RNF41: variants seen among roughly 807,000 people sequenced by gnomAD.
RNF41 encodes the protein E3 ubiquitin-protein ligase NRDP1.
RNF41 carries 4 observed loss-of-function variants against 33.0 expected under a neutral mutation model. The observed-to-expected ratio is 0.12, with a 90% CI of 0.06 to 0.28. RNF41 has a LOEUF of 0.28. RNF41 is among the 10% of genes least tolerant of loss of function. The probability of loss-of-function intolerance (pLI) is 1.00; values close to 1 mark genes in which losing one functional copy is unlikely to be tolerated. For synonymous variants in RNF41, 164 were observed against 153.2 expected, an observed-to-expected ratio of 1.07 and a Z score of -0.52; for missense variants, 228 against 432.6, an observed-to-expected ratio of 0.53 and a Z score of 4.19.
At position 56,206,976 on chromosome 12, in the gene RNF41, C is replaced by T. The variant is rs56688317; in HGVS notation, c.603-178G>A. On this transcript the variant is annotated intron_variant, in intron 6 of 6. Transcript: ENST00000345093. The surrounding 1 kb of genome is among the most constrained non-coding windows in gnomAD (Gnocchi z 5.7). ...CCCCACTTGGTCCCAACTGAGTCAC[C>T]ACATGTTACTCACCAGATTAAATTC... Among the ~76,000 whole-genome samples the T allele has an allele frequency of 2.2e-3, 337 of 152,274 alleles. 5 individuals carry two copies. Among genetic ancestry groups the T allele is most frequent in the African/African-American group, 7.8e-3 (326 of 41,544 alleles).
chr12:56,212,495 C>T (rs77481582), intron 3 of RNF41, among the ~76,000 whole-genome samples: 60 of 152,246 alleles, frequency 3.9e-4, no homozygotes, highest in Non-Finnish European at 5.4e-4. Context: ...TCACCAACTA[C>T]GACTCACCTT....
chr12:56,207,841 C>A, intron 5 of RNF41, 92 bp from the exon 6 acceptor site: 1 of 1,010,164 alleles, frequency 9.9e-7, no homozygotes, highest in Non-Finnish European at 1.6e-6. Context: ...ACTGAGAGAT[C>A]TGAAGAACAA....
At chr12:56,215,064 G>A (rs559925534) in intron 2 of RNF41, among the ~76,000 whole-genome samples, 1 of 152,122 alleles carries the variant, frequency 6.6e-6, no homozygotes, top group South Asian at 2.1e-4. Context: ...GGGGGAGCAG[G>A]GCATTAGGGT....
chr12:56,210,325 G>A lies in RNF41; in HGVS notation c.334C>T (p.Arg112Trp). 1.2e-6 allele frequency: 2 copies of A among 1,613,950 alleles called. No individual in the cohort carries two copies. Among genetic ancestry groups the A allele is most frequent in the Non-Finnish European group, 1.7e-6 (2 of 1,179,870 alleles). ...HLSDCEHNPK[R>W]PVTCEQGCGL... is the part of the protein sequence containing the mutation. ...CAGCCCTGTTCACAGGTCACAGGCC[G>A]CTTCGGGTTGTGCTCACAGTCGCTG... is the stretch of plus-strand genomic sequence containing the variant. Residue 112 changes from arginine (R) to tryptophan (W), a missense_variant, in exon 4 of 7, where the codon CGG becomes TGG. This residue lies in a region of RNF41 where 199 missense variants were observed against 334.6 expected (regional missense o/e 0.59). Transcript: ENST00000345093.
rs1878693341 is a variant in RNF41 at position 56,203,612 on chromosome 12, T to G, written c.*2835A>C. 1 of 151,706 alleles carries G rather than the reference T, an allele frequency of 6.6e-6. No individual in the cohort carries two copies. Among genetic ancestry groups the G allele is most frequent in the African/African-American group, 2.4e-5 (1 of 41,224 alleles). 9.4% of individuals were successfully genotyped at this position (151,706 alleles called of 1,614,324 possible). ...GGTTTCACCATGTTAGCCAGGATGG[T>G]CTCGATCTCCTGACGTTGTGATCCA... On this transcript the variant is annotated 3_prime_UTR_variant, in exon 7 of 7. Coordinates refer to ENST00000345093, the MANE Select transcript of RNF41 (RefSeq NM_005785.4).
Position 56,206,711 on chromosome 12 carries a change from C to T in RNF41, c.690G>A (p.Lys230=), listed in dbSNP as rs1398630746. The T allele has an allele frequency of 1.9e-6, 3 of 1,614,038 alleles. No individual in the cohort carries two copies. Among genetic ancestry groups the T allele is most frequent in the Non-Finnish European group, 2.5e-6 (3 of 1,180,026 alleles). ...GACAGCCACTCTCCACCAGGGAGCG[C>T]TTGATTACAGCCTGGAGCACAGCAT... ...TPDAVLQAVI[K]RSLVESGCPA... is the part of the protein sequence containing the mutation. Residue 230 remains lysine (K), a synonymous_variant, in exon 7 of 7, where the codon AAG becomes AAA. Transcript: ENST00000345093. This position sits in a 1 kb window ranked among gnomAD's most constrained non-coding sequence, Gnocchi z 5.7.
chr12:56,205,107 T>C lies in RNF41; in HGVS notation c.*1340A>G, dbSNP rs776808054. On this transcript the variant is annotated 3_prime_UTR_variant, in exon 7 of 7. Transcript: ENST00000345093. ...CATGGTGAAGCTTAGAACCCAGCTA[T>C]ACAGCTCCAAGGAAACTTGGGGAAG... 1 of 152,222 alleles carries C rather than the reference T, an allele frequency of 6.6e-6. No individual in the cohort carries two copies. Among genetic ancestry groups the C allele is most frequent in the Non-Finnish European group, 1.5e-5 (1 of 68,052 alleles). The allele number at this position is 152,222 out of a possible 1,614,324, so 9.4% of individuals were successfully genotyped here.
chr12:56,212,087 A>G (rs1396979869), intron 3 of RNF41, among the ~76,000 whole-genome samples: 4 of 152,262 alleles, frequency 2.6e-5, no homozygotes, highest in Non-Finnish European at 5.9e-5. Context: ...TCAAGACCAG[A>G]CTGGCCAACA....
intron 4 of RNF41, 72 bp downstream of exon 4, chr12:56,210,225 G>A (rs1868378268): frequency 6.5e-7 from 1 of 1,543,874 alleles, no homozygotes; most frequent in Non-Finnish European, 8.9e-7. Context: ...AGCTAGTGAG[G>A]AGGGCAGCCA....
chr12:56,206,836 T>C lies in RNF41; in HGVS notation c.603-38A>G. 1 of 1,461,440 alleles carries C rather than the reference T, an allele frequency of 6.8e-7. No individual in the cohort carries two copies. Among genetic ancestry groups the C allele is most frequent in the East Asian group, 2.3e-5 (1 of 43,188 alleles). 90.5% of individuals were successfully genotyped at this position (1,461,440 alleles called of 1,614,324 possible). ...GGTTAAAGATGGTCATTCCAGCTCA[T>C]CTCCTTTCTCTGTATTGGCTTTTTC... On this transcript the variant is annotated intron_variant, in intron 6 of 6. Transcript: ENST00000345093. The surrounding 1 kb of genome is among the most constrained non-coding windows in gnomAD (Gnocchi z 5.7).
chr12:56,215,502 T>C (rs1323037441), intron 2 of RNF41, among the ~76,000 whole-genome samples: 1 of 149,650 alleles, frequency 6.7e-6, no homozygotes, highest in Non-Finnish European at 1.5e-5. Flanking sequence ...AGACGGATCA[T>C]GAGGTCAAGA....
intron 2 of RNF41, among the ~76,000 whole-genome samples, chr12:56,216,035 C>G (rs1008143097): frequency 6.6e-6 from 1 of 151,234 alleles, no homozygotes; most frequent in Non-Finnish European, 1.5e-5. Context: ...GGCAGGAGAA[C>G]TGCTTGAACC....
At position 56,217,965 on chromosome 12, in the gene RNF41, T is replaced by C. The variant is rs368506508; in HGVS notation, c.-208-1352A>G. On this transcript the variant is annotated intron_variant, in intron 1 of 6. Transcript: ENST00000345093. ...AGTGCTTTCACATAAATTATTATTA[T>C]TATTTCGAGATAGAGTCTCGCTCTG... 6.4e-3 allele frequency among the ~76,000 whole-genome samples: 963 copies of C among 150,520 alleles called. 13 individuals carry two copies. Among genetic ancestry groups the C allele is most frequent in the African/African-American group, 0.024 (938 of 39,910 alleles).
At chr12:56,207,171 TTACTC>T in intron 6 of RNF41, 1 of 1,323,384 alleles carries the variant, frequency 7.6e-7, no homozygotes, top group South Asian at 1.3e-5. Flanking sequence ...CACTTACAGT[TTACTC>T]TATGAACTGT....
At chr12:56,218,855 C>T (rs949825089) in intron 1 of RNF41, among the ~76,000 whole-genome samples, 1 of 151,776 alleles carries the variant, frequency 6.6e-6, no homozygotes, top group Non-Finnish European at 1.5e-5. Context: ...AGGCATGTGC[C>T]ACCATGCTGA....
chr12:56,209,308 G>A (rs978042956), intron 4 of RNF41, among the ~76,000 whole-genome samples: 5 of 150,982 alleles, frequency 3.3e-5, no homozygotes, highest in African/African-American at 9.8e-5. Flanking sequence ...TTTTAGTTAG[G>A]GGGAACAGAG....
At chr12:56,215,436 G>C (rs972672171) in intron 2 of RNF41, among the ~76,000 whole-genome samples, 1 of 151,906 alleles carries the variant, frequency 6.6e-6, no homozygotes, top group Admixed American at 6.6e-5. Flanking sequence ...GAAGAGAAGA[G>C]AGGGCCGGGC....
intron 1 of RNF41, among the ~76,000 whole-genome samples, chr12:56,219,817 C>T (rs770465402): frequency 6.0e-5 from 9 of 151,058 alleles, no homozygotes; most frequent in Admixed American, 1.3e-4. Flanking sequence ...GAGTTTGAGA[C>T]CAGCCTGGGC....
intron 1 of RNF41, among the ~76,000 whole-genome samples, chr12:56,220,237 CAG>C (rs1869266286): frequency 6.6e-6 from 1 of 151,438 alleles, no homozygotes. Context: ...TGTGGGGAGA[CAG>C]AGTCTCACTC....
Sources: gnomAD v4.1 joint callset for allele counts (sites outside exome capture counted in the v4.1 genomes callset) on GRCh38, gnomAD v4.1.1 for gene constraint, gnomAD v4.1.1 regional missense constraint, Gnocchi (gnomAD v3.1) non-coding constraint, MANE v1.5 for transcripts, NCBI Gene and HGNC (gene_info 2026-07-23, HGNC 2026-07-21) for gene names.